Variants in CPEB1 observed in about 807,000 individuals in gnomAD.
CPEB1 encodes the protein cytoplasmic polyadenylation element-binding protein 1.
In CPEB1, 7 loss-of-function variants were observed where a neutral mutation model predicts 65.8. That is an observed-to-expected ratio of 0.11 (90% confidence interval 0.06 to 0.20). The LOEUF (loss-of-function observed/expected upper bound fraction) is 0.20. Ranked by LOEUF, CPEB1 falls within the 10% of genes least tolerant of loss-of-function variation. The pLI is 1.00. For synonymous variants in CPEB1, 262 were observed against 260.0 expected (o/e 1.01, Z -0.08); for missense variants, 551 against 712.2 (o/e 0.77, Z 2.58).
intron 4 of CPEB1, among the ~76,000 whole-genome samples, chr15:82,563,501 TA>T (rs1178247743): frequency 1.4e-4 from 19 of 132,754 alleles, no homozygotes; most frequent in Admixed American, 1.4e-3. Flanking sequence ...CATGTCTGAC[TA>T]ATTTTTTTTT....
intron 3 of CPEB1, among the ~76,000 whole-genome samples, chr15:82,625,911 G>T (rs559139938): frequency 1.4e-3 from 211 of 151,590 alleles, no homozygotes; most frequent in Non-Finnish European, 2.5e-3. Flanking sequence ...CTGACGTCAG[G>T]AGTTTGAGAC....
chr15:82,612,483 CGA>C lies in CPEB1; in HGVS notation c.271+14708_271+14709del, dbSNP rs1336396562. 2.5e-5 allele frequency among the ~76,000 whole-genome samples: 3 copies of C among 122,244 alleles called. No individual in the cohort carries two copies. In the East Asian group the frequency reaches 7.0e-4, roughly 29 times the overall value. The allele number at this position is 122,244 out of a possible 152,430, so 80.2% of individuals were successfully genotyped here. On this transcript the variant is annotated intron_variant, in intron 3 of 12. Transcript: ENST00000684509. ...TTGCATTCCAGCCTGGGTAACAGAG[CGA>C]GAGTCTGTCCAAAAAAAAAAAAACA...
chr15:82,623,912 G>A (rs1322875227), intron 3 of CPEB1, among the ~76,000 whole-genome samples: 1 of 151,832 alleles, frequency 6.6e-6, no homozygotes, highest in Admixed American at 6.6e-5. Context: ...CCATGGTATA[G>A]CTCTCCTATC....
chr15:82,547,730 T>C (rs886813699), intron 10 of CPEB1, among the ~76,000 whole-genome samples: 18 of 151,888 alleles, frequency 1.2e-4, no homozygotes, highest in African/African-American at 4.4e-4. Flanking sequence ...TGGAGTGTAA[T>C]GGCGTGATCT....
At chr15:82,600,303 C>T (rs1381480034) in intron 3 of CPEB1, among the ~76,000 whole-genome samples, 1 of 152,112 alleles carries the variant, frequency 6.6e-6, no homozygotes, top group East Asian at 1.9e-4. Context: ...CCACCAAATA[C>T]ATCCTAAGAA....
At chr15:82,570,382 T>TC (rs1005900711) in intron 4 of CPEB1, among the ~76,000 whole-genome samples, 14 of 76,180 alleles carry the variant, frequency 1.8e-4, no homozygotes, top group South Asian at 1.1e-3. Flanking sequence ...TACCACCCCC[T>TC]CCCCCCCGCC....
At chr15:82,630,346 A>G (rs2046135977) in intron 1 of CPEB1, 1 of 153,526 alleles carries the variant, frequency 6.5e-6, no homozygotes, top group African/African-American at 2.4e-5. Flanking sequence ...TTAGACACAG[A>G]CTAAACCAAA....
chr15:82,623,136 T>G (rs912374392), intron 3 of CPEB1, among the ~76,000 whole-genome samples: 18 of 152,202 alleles, frequency 1.2e-4, no homozygotes, highest in African/African-American at 4.3e-4. Context: ...CAACATCCAG[T>G]TAAGACTAAA....
chr15:82,560,373 T>A (rs2037982975), intron 4 of CPEB1, among the ~76,000 whole-genome samples: 1 of 151,150 alleles, frequency 6.6e-6, no homozygotes, highest in Admixed American at 6.6e-5. Flanking sequence ...ACCACTAGGT[T>A]AAATAGTTTT....
chr15:82,548,775 A>G (rs1283322464), intron 10 of CPEB1: 4 of 445,856 alleles, frequency 9.0e-6, no homozygotes, highest in Non-Finnish European at 1.4e-5. Flanking sequence ...AGTATTGGTG[A>G]GTACATGGTG....
At chr15:82,597,191 T>A (rs898580106) in intron 3 of CPEB1, among the ~76,000 whole-genome samples, 1 of 152,098 alleles carries the variant, frequency 6.6e-6, no homozygotes, top group Non-Finnish European at 1.5e-5. Flanking sequence ...GAGGGTGTAG[T>A]GGCACATGCT....
intron 3 of CPEB1, among the ~76,000 whole-genome samples, chr15:82,605,537 A>C (rs988657237): frequency 6.6e-6 from 1 of 152,124 alleles, no homozygotes; most frequent in African/African-American, 2.4e-5. Flanking sequence ...GTACTTGCTG[A>C]GATTTTAGAT....
chr15:82,631,307 A>T (rs756351411), intron 1 of CPEB1, among the ~76,000 whole-genome samples: 1 of 152,190 alleles, frequency 6.6e-6, no homozygotes, highest in Non-Finnish European at 1.5e-5. Flanking sequence ...ACATACATCA[A>T]GCCAGAGCTC....
chr15:82,634,637 G>C (rs1477260504), intron 1 of CPEB1, among the ~76,000 whole-genome samples: 1 of 152,162 alleles, frequency 6.6e-6, no homozygotes, highest in African/African-American at 2.4e-5. Context: ...TTCTAAAACT[G>C]GGGTCCCATG....
intron 3 of CPEB1, among the ~76,000 whole-genome samples, chr15:82,625,630 G>A (rs1357384694): frequency 6.6e-6 from 1 of 152,128 alleles, no homozygotes; most frequent in Non-Finnish European, 1.5e-5. Flanking sequence ...ATACGTGTGG[G>A]TTTTACATCC....
chr15:82,632,282 A>C (rs2046325152), intron 1 of CPEB1, among the ~76,000 whole-genome samples: 1 of 152,030 alleles, frequency 6.6e-6, no homozygotes, highest in Non-Finnish European at 1.5e-5. Context: ...GCGCCCAGCC[A>C]AATTCATTTA....
chr15:82,584,488 G>A (rs2041589727), intron 3 of CPEB1, among the ~76,000 whole-genome samples: 1 of 151,490 alleles, frequency 6.6e-6, no homozygotes, highest in Non-Finnish European at 1.5e-5. Flanking sequence ...GACCAGCCTG[G>A]CCAACATGGT....
At chr15:82,647,885 C>T, upstream of CPEB1, 7 of 1,247,510 alleles carry the variant, frequency 5.6e-6, no homozygotes, top group South Asian at 2.2e-4. Flanking sequence ...CCGGTGTGGC[C>T]CTGCGGGGCT....
intron 3 of CPEB1, among the ~76,000 whole-genome samples, chr15:82,582,262 A>AT (rs2041350016): frequency 1.3e-5 from 2 of 152,122 alleles, no homozygotes; most frequent in African/African-American, 2.4e-5. Context: ...TTGGTGTTTG[A>AT]TTTTTTACAA....
Sources: gnomAD v4.1 joint callset for allele counts (sites outside exome capture counted in the v4.1 genomes callset) on GRCh38, gnomAD v4.1.1 for gene constraint, MANE v1.5 for transcripts, NCBI Gene and HGNC (gene_info 2026-07-23, HGNC 2026-07-21) for gene names.